The following CBLN2 variants were observed in gnomAD, a reference collection of about 807,000 sequenced individuals.
The protein encoded by CBLN2 is cerebellin 2 precursor, also known as cerebellin-2.
In CBLN2, 7 loss-of-function variants were observed where a neutral mutation model predicts 15.0. That is an observed-to-expected ratio of 0.47 (90% CI 0.27 to 0.88). The LOEUF is 0.88. CBLN2 is among the 40% of genes least tolerant of loss of function. The pLI, the probability that CBLN2 is intolerant of heterozygous loss-of-function variation, is 0.14. For synonymous variants in CBLN2, 149 were observed against 135.2 expected, an observed-to-expected ratio of 1.10 and a Z score of -0.71; for missense variants, 242 against 304.5, an observed-to-expected ratio of 0.79 and a Z score of 1.53.
exon 1 of CBLN2, chr18:72,638,450 G>T: frequency 2.5e-6 from 1 of 397,366 alleles, no homozygotes; most frequent in South Asian, 1.4e-4. Context: ...TCTATCCAAT[G>T]ACAGACTTGT....
chr18:72,538,858 G>T (rs150252665), intron 3 of CBLN2, 86 bp from the exon 4 acceptor site: 1 of 1,526,668 alleles, frequency 6.6e-7, no homozygotes, highest in Non-Finnish European at 8.9e-7. Flanking sequence ...CAGCAACACT[G>T]CCTCCTTCAT....
intron 1 of CBLN2, among the ~76,000 whole-genome samples, chr18:72,564,963 G>A (rs1229223341): frequency 1.3e-5 from 2 of 152,200 alleles, no homozygotes; most frequent in Non-Finnish European, 2.9e-5. Context: ...TTTCTCAGCA[G>A]GAGCAGTTAG....
intron 1 of CBLN2, among the ~76,000 whole-genome samples, chr18:72,612,876 A>T (rs945979430): frequency 3.9e-4 from 59 of 152,180 alleles, no homozygotes; most frequent in African/African-American, 1.4e-3. Flanking sequence ...CTGGGTGCCC[A>T]AAAAACAGAA....
intron 1 of CBLN2, among the ~76,000 whole-genome samples, chr18:72,634,715 C>T (rs965193569): frequency 6.6e-6 from 1 of 152,148 alleles, no homozygotes; most frequent in Non-Finnish European, 1.5e-5. Flanking sequence ...GATATTTCTA[C>T]AAAGTAATAA....
intron 1 of CBLN2, among the ~76,000 whole-genome samples, chr18:72,629,745 T>G (rs2144977377): frequency 6.6e-6 from 1 of 152,236 alleles, no homozygotes; most frequent in East Asian, 1.9e-4. Flanking sequence ...TTCTTTTTCC[T>G]TAGGATTACA....
chr18:72,571,976 TATACA>T (rs2069335269), intron 1 of CBLN2, among the ~76,000 whole-genome samples: 1 of 152,226 alleles, frequency 6.6e-6, no homozygotes, highest in African/African-American at 2.4e-5. Flanking sequence ...ATACCTTGAA[TATACA>T]ATACAATTTA....
chr18:72,604,030 G>A (rs1022675528), intron 1 of CBLN2, among the ~76,000 whole-genome samples: 4 of 152,188 alleles, frequency 2.6e-5, no homozygotes, highest in Non-Finnish European at 5.9e-5. Flanking sequence ...CTTGCGTCCA[G>A]CACCGATTAC....
intron 1 of CBLN2, among the ~76,000 whole-genome samples, chr18:72,575,131 G>T (rs2144911110): frequency 6.6e-6 from 1 of 152,252 alleles, no homozygotes; most frequent in Non-Finnish European, 1.5e-5. Flanking sequence ...GTTGGAACAG[G>T]GCTGCTAAAG....
chr18:72,627,436 C>T (rs2069747343), intron 1 of CBLN2, among the ~76,000 whole-genome samples: 1 of 152,242 alleles, frequency 6.6e-6, no homozygotes, highest in Non-Finnish European at 1.5e-5. Flanking sequence ...GAAGATGTTG[C>T]TGCGTGGCAG....
chr18:72,542,104 C>A lies in CBLN2; in HGVS notation c.57G>T (p.Arg19=). 6.8e-7 allele frequency: 1 copy of A among 1,461,230 alleles called. No individual in the cohort carries two copies. Among genetic ancestry groups the A allele is most frequent in the Non-Finnish European group, 9.0e-7 (1 of 1,117,106 alleles). 90.5% of individuals were successfully genotyped at this position (1,461,230 alleles called of 1,614,324 possible). Reference sequence around the variant, plus strand: ...AGCCGCCCGGCTCGCGCAGCGCCCCCCGGCGCCCGGGCATCATCAGCCGCA... The same window carrying A: ...AGCCGCCCGGCTCGCGCAGCGCCCCACGGCGCCCGGGCATCATCAGCCGCA... ...LGLRLMMPGR[R]GALREPGGCG... The change falls in exon 3 of 5, where the codon CGG becomes CGT. Residue 19 remains arginine (R), a synonymous_variant. Coordinates refer to ENST00000269503, the MANE Select transcript of CBLN2 (RefSeq NM_182511.4).
chr18:72,589,304 A>C (rs2069463493), intron 1 of CBLN2, among the ~76,000 whole-genome samples: 1 of 152,218 alleles, frequency 6.6e-6, no homozygotes, highest in South Asian at 2.1e-4. Flanking sequence ...GACTGACAGG[A>C]GAAAAGCTCA....
intron 1 of CBLN2, among the ~76,000 whole-genome samples, chr18:72,602,896 A>G (rs1247111969): frequency 2.0e-5 from 3 of 152,126 alleles, no homozygotes; most frequent in Admixed American, 6.5e-5. Flanking sequence ...CTTACCTCTT[A>G]CTGGCTTTGT....
chr18:72,569,285 T>C (rs2069315179), intron 1 of CBLN2, among the ~76,000 whole-genome samples: 1 of 149,392 alleles, frequency 6.7e-6, no homozygotes. Flanking sequence ...AATTGTAATA[T>C]AGACATCATT....
chr18:72,571,233 A>C (rs1311869852), intron 1 of CBLN2, among the ~76,000 whole-genome samples: 1 of 152,140 alleles, frequency 6.6e-6, no homozygotes, highest in Non-Finnish European at 1.5e-5. Flanking sequence ...TTTTGAGCAC[A>C]AATTTTAACC....
At chr18:72,621,165 T>C (rs1468139007) in intron 1 of CBLN2, among the ~76,000 whole-genome samples, 1 of 152,224 alleles carries the variant, frequency 6.6e-6, no homozygotes, top group Non-Finnish European at 1.5e-5. Context: ...TGTAGCGTTA[T>C]GATTCATAAT....
At chr18:72,618,622 C>A in intron 1 of CBLN2, 1 of 967,866 alleles carries the variant, frequency 1.0e-6, no homozygotes, top group South Asian at 1.3e-5. Flanking sequence ...TGAAGAACAT[C>A]ACCTAAGAGA....
intron 1 of CBLN2, among the ~76,000 whole-genome samples, chr18:72,616,494 C>T (rs1232577677): frequency 6.6e-6 from 1 of 152,132 alleles, no homozygotes; most frequent in African/African-American, 2.4e-5. Context: ...TGAGGGAACA[C>T]AAGGGTGAGT....
At chr18:72,629,237 A>T (rs2069759728) in intron 1 of CBLN2, among the ~76,000 whole-genome samples, 1 of 152,222 alleles carries the variant, frequency 6.6e-6, no homozygotes, top group South Asian at 2.1e-4. Context: ...TTTCAACTAT[A>T]CTAACAACAT....
chr18:72,623,749 A>G (rs2069716195), intron 1 of CBLN2, among the ~76,000 whole-genome samples: 1 of 152,134 alleles, frequency 6.6e-6, no homozygotes, highest in South Asian at 2.1e-4. Flanking sequence ...GAACAACATT[A>G]CCAAGGGCAT....
Sources: gnomAD v4.1 joint callset for allele counts (sites outside exome capture counted in the v4.1 genomes callset) on GRCh38, gnomAD v4.1.1 for gene constraint, MANE v1.5 for transcripts, NCBI Gene and HGNC (gene_info 2026-07-23, HGNC 2026-07-21) for gene names.